The following PDZRN4 variants were observed in gnomAD, a reference collection of about 807,000 sequenced individuals.
The protein encoded by PDZRN4 is PDZ domain containing ring finger 4.
In PDZRN4, 70 loss-of-function variants were observed where a neutral mutation model predicts 99.0. That is an observed-to-expected ratio of 0.71 (90% CI 0.58 to 0.86). The LOEUF (loss-of-function observed/expected upper bound fraction) is 0.86, where lower values mean the gene tolerates loss of function less well. PDZRN4 is among the 40% of genes least tolerant of loss of function. PDZRN4 has a pLI of 0.00. For missense variants in PDZRN4, 1,474 were observed against 1,331.2 expected (o/e 1.11, Z -1.67); for synonymous variants, 551 against 501.6 (o/e 1.10, Z -1.32).
chr12:41,455,601 C>T (rs1952811359), intron 3 of PDZRN4, among the ~76,000 whole-genome samples: 2 of 152,112 alleles, frequency 1.3e-5, no homozygotes, highest in Admixed American at 1.3e-4. Flanking sequence ...GCATCTTGTA[C>T]TGAACCTTCT....
In PDZRN4 at chr12:41,207,916, T is replaced by C. The variant is rs189982783; in HGVS notation, c.843+13728T>C. On this transcript the variant is annotated intron_variant, in intron 3 of 9. Coordinates refer to ENST00000402685, the MANE Select transcript of PDZRN4 (RefSeq NM_001164595.2). ...CTCTTCTTTAAGCCAGGCAGTGAAT[T>C]CAATTGAATTACAGTATTAGCCATG... is the stretch of plus-strand genomic sequence containing the variant. Among the ~76,000 whole-genome samples, 15 of 151,274 alleles carry C rather than the reference T, an allele frequency of 9.9e-5. No individual in the cohort carries two copies. The East Asian group carries it at 2.4e-3, about 24-fold the overall frequency.
intron 3 of PDZRN4, among the ~76,000 whole-genome samples, chr12:41,439,250 C>A (rs1170641116): frequency 1.3e-5 from 2 of 152,128 alleles, no homozygotes; most frequent in Non-Finnish European, 2.9e-5. Context: ...CCTTTTGCTT[C>A]ATTTTTTAAT....
intron 3 of PDZRN4, among the ~76,000 whole-genome samples, chr12:41,288,098 A>AT (rs1219486677): frequency 2.6e-5 from 4 of 152,068 alleles, no homozygotes; most frequent in Middle Eastern, 3.2e-3. Flanking sequence ...TAAAATATGC[A>AT]TTTTTTCATA....
chr12:41,502,922 A>G (rs964130101), intron 3 of PDZRN4, among the ~76,000 whole-genome samples: 4 of 152,178 alleles, frequency 2.6e-5, no homozygotes, highest in Non-Finnish European at 5.9e-5. Flanking sequence ...TGCTGTTGTT[A>G]ACAAACTTCT....
rs1951318009 is a variant in PDZRN4 at position 41,272,066 on chromosome 12, T to G, written c.843+77878T>G. Among the ~76,000 whole-genome samples, 3 of 152,206 alleles carry G rather than the reference T, an allele frequency of 2.0e-5. No homozygotes were observed. The South Asian group carries it at 6.2e-4, about 32-fold the overall frequency. On this transcript the variant is annotated intron_variant, in intron 3 of 9. Coordinates refer to ENST00000402685, the MANE Select transcript of PDZRN4 (RefSeq NM_001164595.2). ...TTCTCTACCAAATAGAGTATTTTTTTTTTTGGAATGAAAGAATGGCAAAAA... is the reference window on the plus strand; with the variant it reads ...TTCTCTACCAAATAGAGTATTTTTTGTTTTGGAATGAAAGAATGGCAAAAA...
At chr12:41,363,883 G>T (rs1019311351) in intron 3 of PDZRN4, among the ~76,000 whole-genome samples, 1 of 152,038 alleles carries the variant, frequency 6.6e-6, no homozygotes, top group East Asian at 1.9e-4. Flanking sequence ...GTGGTTAAAC[G>T]TGTATAATTC....
intron 3 of PDZRN4, among the ~76,000 whole-genome samples, chr12:41,332,433 A>T (rs1165452264): frequency 6.6e-6 from 1 of 152,100 alleles, no homozygotes; most frequent in Non-Finnish European, 1.5e-5. Flanking sequence ...ATGTGGTCCC[A>T]AGGCAGAATG....
At chr12:41,516,626 C>T (rs1183263731) in intron 5 of PDZRN4, among the ~76,000 whole-genome samples, 9 of 152,044 alleles carry the variant, frequency 5.9e-5, no homozygotes, top group African/African-American at 2.2e-4. Flanking sequence ...TGTTTTACCA[C>T]AAATGCGTAA....
chr12:41,310,864 T>G (rs528594434), intron 3 of PDZRN4, among the ~76,000 whole-genome samples: 1 of 152,166 alleles, frequency 6.6e-6, no homozygotes, highest in African/African-American at 2.4e-5. Flanking sequence ...CATAAAAGGG[T>G]TTTTTGTATG....
chr12:41,563,799 C>A, intron 8 of PDZRN4, 150 bp downstream of exon 8: 1 of 597,556 alleles, frequency 1.7e-6, no homozygotes, highest in Admixed American at 3.2e-5. Flanking sequence ...CACCAGATGG[C>A]CTATGTGGGA....
At chr12:41,372,520 C>A (rs1444176319) in intron 3 of PDZRN4, among the ~76,000 whole-genome samples, 1 of 152,060 alleles carries the variant, frequency 6.6e-6, no homozygotes, top group Non-Finnish European at 1.5e-5. Flanking sequence ...GAGGAACTTA[C>A]ATAAAATGGA....
intron 5 of PDZRN4, among the ~76,000 whole-genome samples, chr12:41,544,561 G>C (rs1045502826): frequency 6.6e-6 from 1 of 151,746 alleles, no homozygotes; most frequent in Non-Finnish European, 1.5e-5. Flanking sequence ...TAATGCTGTG[G>C]GATATAATAA....
Position 41,425,127 on chromosome 12 carries a change from G to T in PDZRN4, c.844-81329G>T, listed in dbSNP as rs1278847933. ...ATAGATTAAAAGAGAAAAATAAAAC[G>T]ATCAATTTTAAATAAATTATTATAC... is the stretch of plus-strand genomic sequence containing the variant. On this transcript the variant is annotated intron_variant, in intron 3 of 9. Coordinates refer to ENST00000402685, the MANE Select transcript of PDZRN4 (RefSeq NM_001164595.2). Among the ~76,000 whole-genome samples the T allele has an allele frequency of 2.0e-5, 3 of 152,000 alleles. No individual in the cohort carries two copies. The East Asian group carries it at 5.8e-4, about 29-fold the overall frequency.
At chr12:41,393,934 G>T (rs1369764756) in intron 3 of PDZRN4, among the ~76,000 whole-genome samples, 5 of 152,198 alleles carry the variant, frequency 3.3e-5, no homozygotes, top group African/African-American at 1.2e-4. Flanking sequence ...CAATTATAGA[G>T]TAGAGGAATA....
intron 3 of PDZRN4, among the ~76,000 whole-genome samples, chr12:41,216,021 G>A (rs1950919086): frequency 6.6e-6 from 1 of 151,824 alleles, no homozygotes; most frequent in South Asian, 2.1e-4. Context: ...TACCCCTGTG[G>A]TCCTGTCAAA....
intron 3 of PDZRN4, among the ~76,000 whole-genome samples, chr12:41,212,046 T>A (rs1950891905): frequency 6.6e-6 from 1 of 151,982 alleles, no homozygotes; most frequent in African/African-American, 2.4e-5. Context: ...GAATCAACCT[T>A]TATCTGGGCC....
chr12:41,333,963 G>A (rs555795907), intron 3 of PDZRN4, among the ~76,000 whole-genome samples: 3 of 152,060 alleles, frequency 2.0e-5, no homozygotes, highest in Non-Finnish European at 4.4e-5. Flanking sequence ...ACAATCCTGG[G>A]CCAAAGCAAA....
chr12:41,574,009 A>T lies in PDZRN4; in HGVS notation c.*119A>T. The T allele has an allele frequency of 1.6e-6, 1 of 622,354 alleles. No homozygotes were observed. Among genetic ancestry groups the T allele is most frequent in the Non-Finnish European group, 2.5e-6 (1 of 401,562 alleles). 38.6% of individuals were successfully genotyped at this position (622,354 alleles called of 1,614,324 possible). A position where few individuals can be genotyped will look rare whatever the true frequency, so the allele number is the denominator to read the frequency against. Reference sequence around the variant, plus strand: ...TATTTTGTGACTCTTTATAGTTTAAATTTTTTGTAAGCAAAAAATACCTGG... The same window carrying T: ...TATTTTGTGACTCTTTATAGTTTAATTTTTTTGTAAGCAAAAAATACCTGG... On this transcript the variant is annotated 3_prime_UTR_variant, in exon 10 of 10. Transcript: ENST00000402685.
chr12:41,413,884 T>C (rs1216076117), intron 3 of PDZRN4, among the ~76,000 whole-genome samples: 1 of 152,166 alleles, frequency 6.6e-6, no homozygotes, highest in Admixed American at 6.5e-5. Flanking sequence ...TCATAGTTTC[T>C]ATTGTGTGGT....
Sources: gnomAD v4.1 joint callset for allele counts (sites outside exome capture counted in the v4.1 genomes callset) on GRCh38, gnomAD v4.1.1 for gene constraint, MANE v1.5 for transcripts, NCBI Gene and HGNC (gene_info 2026-07-23, HGNC 2026-07-21) for gene names.